The following GPHN variants were observed in gnomAD, a reference collection of about 807,000 sequenced individuals.
The protein encoded by GPHN is gephyrin.
A neutral mutation model predicts 95.5 loss-of-function variants in GPHN; 17 were observed. The ratio of observed to expected loss-of-function variants is 0.18; its 90% CI spans 0.12 to 0.27. The LOEUF (loss-of-function observed/expected upper bound fraction) is 0.27, where lower values mean the gene tolerates loss of function less well. Ranked by LOEUF, GPHN falls within the 10% of genes least tolerant of loss-of-function variation. The probability of loss-of-function intolerance (pLI) is 1.00; values close to 1 mark genes in which losing one functional copy is unlikely to be tolerated. For missense variants in GPHN, 660 were observed against 978.1 expected (o/e 0.67, Z 4.34); for synonymous variants, 320 against 322.5 (o/e 0.99, Z 0.08).
chr14:67,115,690 G>A lies in GPHN; in HGVS notation c.1626+2519G>A, dbSNP rs142291980. 9.6e-3 allele frequency among the ~76,000 whole-genome samples: 1,459 copies of A among 151,764 alleles called. 11 individuals are homozygous for A. Among genetic ancestry groups the A allele is most frequent in the Non-Finnish European group, 0.014 (968 of 67,908 alleles). ...GCGGAGGTTGCAGTGAGCTGAGATCGTGCCACGGCACTCCAGCCTGGGTGA... is the reference window on the plus strand; with the variant it reads ...GCGGAGGTTGCAGTGAGCTGAGATCATGCCACGGCACTCCAGCCTGGGTGA... On this transcript the variant is annotated intron_variant, in intron 16 of 22. Transcript: ENST00000478722.
chr14:66,580,440 T>A (rs1189968095), intron 1 of GPHN, among the ~76,000 whole-genome samples: 2 of 150,740 alleles, frequency 1.3e-5, no homozygotes, highest in African/African-American at 4.9e-5. Context: ...AAGATAAAAT[T>A]GACAAACCTT....
At chr14:66,583,233 T>G (rs766672938) in intron 1 of GPHN, among the ~76,000 whole-genome samples, 16 of 152,174 alleles carry the variant, frequency 1.1e-4, no homozygotes, top group Admixed American at 3.9e-4. Context: ...GATGTGGTTG[T>G]TTGTTTTTTT....
intron 8 of GPHN, among the ~76,000 whole-genome samples, chr14:66,938,900 T>C (rs2067257274): frequency 6.6e-6 from 1 of 152,198 alleles, no homozygotes; most frequent in East Asian, 1.9e-4. Context: ...CTTGCAAATA[T>C]GGTCAAATGA....
At chr14:66,966,569 A>T (rs1257211755) in intron 9 of GPHN, among the ~76,000 whole-genome samples, 2 of 152,050 alleles carry the variant, frequency 1.3e-5, no homozygotes, top group Non-Finnish European at 2.9e-5. Context: ...AATTAGATGG[A>T]AGAATCTCAT....
At chr14:67,427,172 G>A in the GPHN span, among the ~76,000 whole-genome samples, 1 of 152,128 alleles carries the variant, frequency 6.6e-6, no homozygotes, top group Non-Finnish European at 1.5e-5. Context: ...TGTGGGTGGC[G>A]TACTCCAGTA....
intron 2 of GPHN, among the ~76,000 whole-genome samples, chr14:66,771,097 C>T (rs1462396242): frequency 6.6e-6 from 1 of 152,176 alleles, no homozygotes; most frequent in African/African-American, 2.4e-5. Context: ...CTCCAATGGT[C>T]ACACCCTAGC....
chr14:66,981,532 T>C (rs1476719162), intron 9 of GPHN, among the ~76,000 whole-genome samples: 1 of 152,138 alleles, frequency 6.6e-6, no homozygotes, highest in Non-Finnish European at 1.5e-5. Context: ...CCCCAATATA[T>C]ACTGAGTGAT....
intron 1 of GPHN, among the ~76,000 whole-genome samples, chr14:66,596,426 G>C (rs886320907): frequency 7.2e-5 from 11 of 152,170 alleles, no homozygotes; most frequent in African/African-American, 2.6e-4. Flanking sequence ...CGGTGCCCAT[G>C]GTGCCCAGGC....
the GPHN span, among the ~76,000 whole-genome samples, chr14:67,273,260 TC>T: frequency 6.6e-6 from 1 of 151,316 alleles, no homozygotes; most frequent in Non-Finnish European, 1.5e-5. Context: ...ATGCTATCGC[TC>T]CCCCCTCCCA....
At chr14:67,417,818 A>T in the GPHN span, among the ~76,000 whole-genome samples, 1 of 152,118 alleles carries the variant, frequency 6.6e-6, no homozygotes, top group Non-Finnish European at 1.5e-5. Flanking sequence ...ATCACAGCTC[A>T]CTGCAGCCTC....
intron 9 of GPHN, among the ~76,000 whole-genome samples, chr14:67,022,312 CCT>C (rs1278998233): frequency 1.3e-5 from 2 of 151,762 alleles, no homozygotes; most frequent in Non-Finnish European, 2.9e-5. Flanking sequence ...CACCCTCAAA[CCT>C]CTCTCTCTTT....
At chr14:67,572,238 C>T in the GPHN span, 1 of 1,608,196 alleles carries the variant, frequency 6.2e-7, no homozygotes, top group South Asian at 1.1e-5. Flanking sequence ...AACTGCAGCG[C>T]ACCTCATCCT....
chr14:67,071,827 T>A (rs1397851962), intron 11 of GPHN, among the ~76,000 whole-genome samples: 1 of 151,666 alleles, frequency 6.6e-6, no homozygotes. Context: ...AGTAGGAAAA[T>A]GAAATAGAAA....
intron 18 of GPHN, among the ~76,000 whole-genome samples, chr14:67,152,469 C>T (rs2081337618): frequency 8.0e-6 from 1 of 125,242 alleles, no homozygotes; most frequent in African/African-American, 5.0e-5. Context: ...TTTAACTCAA[C>T]AACGAGCAAA....
the GPHN span, chr14:67,706,245 A>G: frequency 6.6e-6 from 1 of 152,332 alleles, no homozygotes; most frequent in Non-Finnish European, 1.5e-5. Context: ...ATAGCAATGC[A>G]CGTCTCTAAT....
intron 2 of GPHN, among the ~76,000 whole-genome samples, chr14:66,753,998 C>A (rs887195544): frequency 6.6e-6 from 1 of 151,998 alleles, no homozygotes; most frequent in Non-Finnish European, 1.5e-5. Flanking sequence ...GCTTTTTTCA[C>A]TGAGCATTTT....
At chr14:67,509,780 G>A in the GPHN span, among the ~76,000 whole-genome samples, 1 of 152,308 alleles carries the variant, frequency 6.6e-6, no homozygotes, top group East Asian at 1.9e-4. Context: ...GCTGAGGCAG[G>A]AGGATTGCTT....
At chr14:67,714,423 C>T in the GPHN span, 1 of 152,210 alleles carries the variant, frequency 6.6e-6, no homozygotes, top group Non-Finnish European at 1.5e-5. Context: ...AGGTGTGAGC[C>T]TCTGTGCCCA....
chr14:67,583,134 A>G, the GPHN span, among the ~76,000 whole-genome samples: 1 of 152,290 alleles, frequency 6.6e-6, no homozygotes, highest in South Asian at 2.1e-4. Flanking sequence ...TTTAAAAAAG[A>G]ATAAGAATCT....
Sources: gnomAD v4.1 joint callset for allele counts (sites outside exome capture counted in the v4.1 genomes callset) on GRCh38, gnomAD v4.1.1 for gene constraint, MANE v1.5 for transcripts, NCBI Gene and HGNC (gene_info 2026-07-23, HGNC 2026-07-21) for gene names.